FLNC: variants seen among roughly 807,000 people sequenced by gnomAD.
FLNC encodes filamin C, also known as filamin-C.
A neutral mutation model predicts 254.3 loss-of-function variants in FLNC; 91 were observed. That is an observed-to-expected ratio of 0.36 (90% CI 0.30 to 0.43). The LOEUF is 0.43. FLNC is among the 20% of genes least tolerant of loss of function. The pLI is 1.00. For synonymous variants in FLNC, 1,430 were observed against 1,577.2 expected, an observed-to-expected ratio of 0.91 and a Z score of 2.21; for missense variants, 2,853 against 3,802.6, an observed-to-expected ratio of 0.75 and a Z score of 6.57.
In FLNC at chr7:128,842,715, G is replaced by T; in HGVS notation, c.2389+17G>T. The T allele has an allele frequency of 6.4e-7, 1 of 1,565,532 alleles. No individual in the cohort carries two copies. The highest frequency in any genetic ancestry group is 8.7e-7 in the Non-Finnish European group (1 of 1,154,556). Reference sequence around the variant, plus strand: ...CGGGGCAAGGTGCGCCCAGCCGGAAGGGGTGGGTCTGGGAGGGGGCGGGGG... The same window carrying T: ...CGGGGCAAGGTGCGCCCAGCCGGAATGGGTGGGTCTGGGAGGGGGCGGGGG... On this transcript the variant is annotated intron_variant, in intron 15 of 47. Coordinates refer to ENST00000325888, the MANE Select transcript of FLNC (RefSeq NM_001458.5). The surrounding 1 kb of genome is among the most constrained non-coding windows in gnomAD (Gnocchi z 5.4).
At chr7:128,851,073 G>C in intron 33 of FLNC, 130 bp downstream of exon 33, 1 of 1,514,838 alleles carries the variant, frequency 6.6e-7, no homozygotes, top group Non-Finnish European at 9.1e-7. Context: ...GAGGCCCCAG[G>C]GAGGCTTATA....
rs1808712194 is a variant in FLNC, at chr7:128,849,423, G to T, written c.5044G>T (p.Val1682Leu). 1 of 1,614,224 alleles carries T rather than the reference G, an allele frequency of 6.2e-7. No homozygotes were observed. Among genetic ancestry groups the T allele is most frequent in the East Asian group, 2.2e-5 (1 of 44,888 alleles). The change falls in exon 30 of 48, where the codon GTG becomes TTG. Residue 1682 changes from valine (V) to leucine (L), a missense_variant. Physicochemically the swap from Val to Leu is conservative, Grantham distance 32. Around this residue, in one of 10 missense-constraint regions of FLNC, gnomAD observed 258 missense variants for 312.3 expected, o/e 0.83. Transcript: ENST00000325888. ...AAGEGKVTCT[V>L]STPDGAELDV... ...CGGTGAGGGGAAGGTGACATGCACG[G>T]TGTCCACGCCGGATGGGGCAGAGCT...
intron 6 of FLNC, 96 bp downstream of exon 6, chr7:128,838,160 A>G (rs1808178334): frequency 1.3e-6 from 2 of 1,497,326 alleles, no homozygotes; most frequent in Non-Finnish European, 1.9e-6. Context: ...GCGCCTGCCC[A>G]GAGCCCCAGC....
chr7:128,848,195 C>T (rs369791521), intron 26 of FLNC, 127 bp downstream of exon 26: 25 of 1,204,044 alleles, frequency 2.1e-5, no homozygotes, highest in African/African-American at 1.7e-4. Flanking sequence ...CGTCCAGTCT[C>T]GCCACCCCAT....
rs1808418593 is a variant in FLNC at position 128,843,325 on chromosome 7, T to C, written c.2641+6T>C. On this transcript the variant is annotated splice_donor_region_variant and intron_variant, in intron 17 of 47. Coordinates refer to ENST00000325888, the MANE Select transcript of FLNC (RefSeq NM_001458.5). ...CCCTGGGCTGAATCGCACAGGTGAG[T>C]GTCTGGGCAGGGGCTGGGACTGGCT... 1 of 1,612,618 alleles carries C rather than the reference T, an allele frequency of 6.2e-7. No individual in the cohort carries two copies. Among genetic ancestry groups the C allele is most frequent in the Non-Finnish European group, 8.5e-7 (1 of 1,179,530 alleles).
At chr7:128,838,199 C>A in intron 6 of FLNC, 68 bp from the exon 7 acceptor site, 1 of 1,550,840 alleles carries the variant, frequency 6.4e-7, no homozygotes, top group African/African-American at 1.4e-5. Context: ...CTTGGCCTGG[C>A]TGTGCCCCTC....
chr7:128,856,693 C>A lies in FLNC; in HGVS notation c.7384+43C>A. 5.0e-6 allele frequency: 8 copies of A among 1,613,910 alleles called. No individual in the cohort carries two copies. The highest frequency in any genetic ancestry group is 6.8e-6 in the Non-Finnish European group (8 of 1,180,020). On this transcript the variant is annotated intron_variant, in intron 44 of 47. Coordinates refer to ENST00000325888, the MANE Select transcript of FLNC (RefSeq NM_001458.5). The surrounding 1 kb of genome is among the most constrained non-coding windows in gnomAD (Gnocchi z 5.9). Reference sequence around the variant, plus strand: ...CTGCCAACTCCCTTCCGGGCTGGGGCCTTCTGGGGAGGGGAAGGATGGAGG... The same window carrying A: ...CTGCCAACTCCCTTCCGGGCTGGGGACTTCTGGGGAGGGGAAGGATGGAGG...
intron 24 of FLNC, 80 bp from the exon 25 acceptor site, chr7:128,847,617 G>A: frequency 6.4e-7 from 1 of 1,552,432 alleles, no homozygotes; most frequent in East Asian, 2.2e-5. Context: ...GGCAGGGAAG[G>A]CCTCCTCCTC....
rs1284210024 is a variant in FLNC, at chr7:128,856,847, T to C, written c.7487T>C (p.Val2496Ala). The C allele has an allele frequency of 6.2e-6, 10 of 1,614,146 alleles. No homozygotes were observed. Among genetic ancestry groups the C allele is most frequent in the Admixed American group, 1.7e-5 (1 of 60,034 alleles). Residue 2496 changes from valine (V) to alanine (A), a missense_variant, in exon 45 of 48, where the codon GTT becomes GCT. Around this residue, in one of 10 missense-constraint regions of FLNC, gnomAD observed 197 missense variants for 351.5 expected, o/e 0.56. Coordinates refer to ENST00000325888, the MANE Select transcript of FLNC (RefSeq NM_001458.5). This position sits in a 1 kb window ranked among gnomAD's most constrained non-coding sequence, Gnocchi z 5.9. ...CCTGGAAGTCCCTTCAAGATCCGCGTTGGGGAGCAGAGCCAGGCTGGGGAC... is the reference window on the plus strand; with the variant it reads ...CCTGGAAGTCCCTTCAAGATCCGCGCTGGGGAGCAGAGCCAGGCTGGGGAC... ...HIPGSPFKIR[V>A]GEQSQAGDPG...
At chr7:128,844,522 G>A in intron 20 of FLNC, 136 bp from the exon 21 acceptor site, 1 of 967,170 alleles carries the variant, frequency 1.0e-6, no homozygotes, top group East Asian at 2.4e-5. Context: ...CTGCCTCAAT[G>A]TCATCACCTG....
In FLNC at chr7:128,835,464, G is replaced by A; in HGVS notation, c.491G>A (p.Arg164Gln). ...GCCCGCAAACAGACGCCCAAGCAGC[G>A]GCTGCTTGGCTGGATCCAGAACAAG... ...EDARKQTPKQ[R>Q]LLGWIQNKVP... Residue 164 changes from arginine (R) to glutamine (Q), a missense_variant, in exon 2 of 48, where the codon CGG (arginine) becomes CAG (glutamine). Transcript: ENST00000325888. This position sits in a 1 kb window ranked among gnomAD's most constrained non-coding sequence, Gnocchi z 5.3. The A allele has an allele frequency of 3.1e-6, 5 of 1,613,870 alleles. No individual in the cohort carries two copies. The highest frequency in any genetic ancestry group is 1.1e-5 in the South Asian group (1 of 91,090).
chr7:128,846,428 G>T lies in FLNC; in HGVS notation c.4092G>T (p.Leu1364Phe), dbSNP rs768635501. The T allele has an allele frequency of 6.2e-7, 1 of 1,605,086 alleles. No homozygotes were observed. The stretch of plus-strand genomic sequence containing the variant: ...TCGGGCCAGGCCTGGAGGGTGGCTT[G>T]GTCAACAAGGCCAACCGATTCACTG... ...RAFGPGLEGG[L>F]VNKANRFTVE... is the part of the protein sequence containing the mutation. Residue 1364 changes from leucine to phenylalanine, a missense_variant, in exon 23 of 48, where the codon TTG becomes TTT. Physicochemically the swap from Leu to Phe is conservative, Grantham distance 22. Around this residue, in one of 10 missense-constraint regions of FLNC, gnomAD observed 1,573 missense variants for 1,883.5 expected, o/e 0.84. Coordinates refer to ENST00000325888, the MANE Select transcript of FLNC (RefSeq NM_001458.5).
intron 35 of FLNC, 96 bp from the exon 36 acceptor site, chr7:128,852,495 G>A: frequency 1.4e-6 from 2 of 1,424,610 alleles, no homozygotes; most frequent in Non-Finnish European, 2.0e-6. Context: ...CGTGTCTGTT[G>A]AGTCCAGGGG....
At chr7:128,850,252 C>T (rs753861069) in intron 31 of FLNC, 132 bp from the exon 32 acceptor site, 40 of 950,426 alleles carry the variant, frequency 4.2e-5, no homozygotes, top group Admixed American at 5.2e-5. Flanking sequence ...TTGCAGCTGA[C>T]GCACCTCTCC....
At chr7:128,855,732 G>A (rs1164174225) in intron 43 of FLNC, among the ~76,000 whole-genome samples, 2 of 152,204 alleles carry the variant, frequency 1.3e-5, no homozygotes, top group African/African-American at 4.8e-5. Context: ...CAGAGCCTGG[G>A]CTGCATCCTC....
rs1356889229 is a variant in FLNC at position 128,830,899 on chromosome 7, C to G, written c.262C>G (p.Pro88Ala). 1.2e-6 allele frequency: 2 copies of G among 1,613,100 alleles called. No homozygotes were observed. The highest frequency in any genetic ancestry group is 8.5e-7 in the Non-Finnish European group (1 of 1,179,944). Residue 88 changes from proline to alanine, a missense_variant, in exon 1 of 48, where the codon CCG becomes GCG. Coordinates refer to ENST00000325888, the MANE Select transcript of FLNC (RefSeq NM_001458.5). ...SQKRMYRKFH[P>A]RPNFRQMKLE... is the part of the protein sequence containing the mutation. ...GAAGCGCATGTACCGCAAGTTCCAT[C>G]CGCGCCCCAACTTCCGCCAAATGAA...
In FLNC at chr7:128,847,992, A is replaced by G. The variant is rs1585163014; in HGVS notation, c.4504A>G (p.Thr1502Ala). The change falls in exon 26 of 48, where the codon ACT (threonine) becomes GCT (alanine). Residue 1502 changes from threonine to alanine, a missense_variant. This residue lies in a region of FLNC where 1,573 missense variants were observed against 1,883.5 expected (regional missense o/e 0.84). Transcript: ENST00000325888. Reference sequence around the variant, plus strand: ...GCGGGACAATGGAGATGGCACCCACACTGTCCACTACACCCCAGCCACTGA... The same window carrying G: ...GCGGGACAATGGAGATGGCACCCACGCTGTCCACTACACCCCAGCCACTGA... Reference protein sequence around the residue: ...EVRDNGDGTHTVHYTPATDGP... With the variant: ...EVRDNGDGTHAVHYTPATDGP... 8 of 1,609,774 alleles carry G rather than the reference A, an allele frequency of 5.0e-6. No homozygotes were observed. Among genetic ancestry groups the G allele is most frequent in the Non-Finnish European group, 6.8e-6 (8 of 1,178,130 alleles).
chr7:128,853,837 G>A lies in FLNC; in HGVS notation c.6484G>A (p.Gly2162Arg), dbSNP rs1422051381. 3 of 1,613,332 alleles carry A rather than the reference G, an allele frequency of 1.9e-6. No homozygotes were observed. The East Asian group carries it at 6.7e-5, about 36-fold the overall frequency. ...CTGTGACCTCAACCTCAAGATCCCA[G>A]GTAGAAGCCTGGAGGACCCTGGGTG... ...STCDLNLKIPGNWFQMVSAQE... is the reference protein window; with the variant it reads ...STCDLNLKIPRNWFQMVSAQE... Residue 2162 changes from glycine to arginine, a missense_variant and splice_region_variant, in exon 39 of 48, where the codon GGA becomes AGA. This residue lies in a region of FLNC where 551 missense variants were observed against 835.0 expected (regional missense o/e 0.66). Coordinates refer to ENST00000325888, the MANE Select transcript of FLNC (RefSeq NM_001458.5).
chr7:128,841,523 G>T lies in FLNC; in HGVS notation c.2077G>T (p.Asp693Tyr). The T allele has an allele frequency of 6.2e-7, 1 of 1,614,186 alleles. No individual in the cohort carries two copies. The highest frequency in any genetic ancestry group is 1.1e-5 in the South Asian group (1 of 91,080). ...IVDKPAEFTI[D>Y]ARAAGKGDLK... ...GGACAAGCCCGCTGAGTTCACCATTGATGCTCGTGCAGCTGGCAAGGGAGA... is the reference window on the plus strand; with the variant it reads ...GGACAAGCCCGCTGAGTTCACCATTTATGCTCGTGCAGCTGGCAAGGGAGA... Residue 693 changes from aspartate to tyrosine, a missense_variant, in exon 13 of 48, where the codon GAT (aspartate) becomes TAT (tyrosine). By Grantham distance (160) the Asp-to-Tyr change is radical (BLOSUM62 -3). Transcript: ENST00000325888. The surrounding 1 kb of genome is among the most constrained non-coding windows in gnomAD (Gnocchi z 4.3).
Sources: allele counts gnomAD v4.1 joint callset (sites outside exome capture counted in the v4.1 genomes callset), GRCh38; gene constraint gnomAD v4.1.1; regional missense constraint gnomAD v4.1.1; non-coding constraint Gnocchi (gnomAD v3.1); transcripts MANE v1.5; gene names NCBI Gene and HGNC (gene_info 2026-07-23, HGNC 2026-07-21).